PLCH1: variants seen among roughly 807,000 people sequenced by gnomAD.
The protein encoded by PLCH1 is phospholipase C eta 1.
Under a neutral mutation model 126.7 loss-of-function variants are expected in PLCH1, and 60 were observed. That is an observed-to-expected ratio of 0.47 (90% CI 0.38 to 0.59). PLCH1 has a LOEUF of 0.59. PLCH1 is among the 20% of genes least tolerant of loss of function. PLCH1 has a pLI of 0.00. For synonymous variants in PLCH1, 719 were observed against 734.9 expected (o/e 0.98, Z 0.35); for missense variants, 1,723 against 2,040.0 (o/e 0.84, Z 2.99).
At chr3:155,614,253 C>A (rs545681846) in intron 2 of PLCH1, among the ~76,000 whole-genome samples, 4 of 151,894 alleles carry the variant, frequency 2.6e-5, no homozygotes, top group Non-Finnish European at 5.9e-5. Flanking sequence ...ACGCAATGCC[C>A]ATCAAAATAC....
At chr3:155,616,779 G>A (rs994200750) in intron 2 of PLCH1, among the ~76,000 whole-genome samples, 2 of 151,920 alleles carry the variant, frequency 1.3e-5, no homozygotes, top group African/African-American at 2.4e-5. Flanking sequence ...AAGGATTTTT[G>A]CTTTTTTGAA....
intron 15 of PLCH1, among the ~76,000 whole-genome samples, chr3:155,495,820 C>T (rs1269341656): frequency 6.6e-6 from 1 of 152,102 alleles, no homozygotes; most frequent in Non-Finnish European, 1.5e-5. Flanking sequence ...TAGTTTAGAC[C>T]CTTTCCTTAA....
chr3:155,564,225 A>C (rs1288481370), intron 8 of PLCH1, among the ~76,000 whole-genome samples: 1 of 152,188 alleles, frequency 6.6e-6, no homozygotes, highest in Non-Finnish European at 1.5e-5. Flanking sequence ...ACCCACTAGA[A>C]GTTTAATAAA....
At chr3:155,731,241 C>T (rs368776599) in intron 1 of PLCH1, among the ~76,000 whole-genome samples, 2 of 152,210 alleles carry the variant, frequency 1.3e-5, no homozygotes, top group East Asian at 3.8e-4. Flanking sequence ...TCCCGTTGGA[C>T]CTAGGTACCA....
At chr3:155,509,328 G>A (rs1395360685) in intron 12 of PLCH1, among the ~76,000 whole-genome samples, 5 of 99,660 alleles carry the variant, frequency 5.0e-5, no homozygotes, top group Non-Finnish European at 5.5e-5. Context: ...TTGATTTTTT[G>A]AAGGGTTTTT....
chr3:155,483,113 T>A (rs940585505), intron 22 of PLCH1, 62 bp from the exon 23 acceptor site: 4 of 1,400,702 alleles, frequency 2.9e-6, no homozygotes, highest in African/African-American at 1.4e-5. Context: ...CTGCAAACAC[T>A]CATGTTGTCT....
intron 2 of PLCH1, among the ~76,000 whole-genome samples, chr3:155,650,472 T>C (rs982854257): frequency 1.3e-5 from 2 of 152,158 alleles, no homozygotes; most frequent in Non-Finnish European, 2.9e-5. Context: ...CAGAGGCCTC[T>C]CAAAGAAAAT....
intron 21 of PLCH1, among the ~76,000 whole-genome samples, chr3:155,460,037 C>T (rs1712650410): frequency 6.6e-6 from 1 of 152,096 alleles, no homozygotes; most frequent in South Asian, 2.1e-4. Flanking sequence ...TTAACTAGCT[C>T]TCTAGGTGGT....
chr3:155,590,382 T>C (rs1319635563), intron 4 of PLCH1, among the ~76,000 whole-genome samples: 1 of 152,048 alleles, frequency 6.6e-6, no homozygotes, highest in Non-Finnish European at 1.5e-5. Context: ...ATAGAGACCA[T>C]CCTAGCTAAC....
At chr3:155,564,416 T>A (rs569945184) in intron 8 of PLCH1, among the ~76,000 whole-genome samples, 4 of 151,884 alleles carry the variant, frequency 2.6e-5, no homozygotes, top group Admixed American at 2.0e-4. Context: ...ACAAAAAAAA[T>A]TAGTTGGGTG....
downstream of PLCH1, among the ~76,000 whole-genome samples, chr3:155,475,139 A>G (rs1019114653): frequency 2.6e-5 from 4 of 152,086 alleles, no homozygotes; most frequent in Admixed American, 1.3e-4. Context: ...CAATGCAATA[A>G]AACTAAAAAT....
chr3:155,554,928 A>G (rs1210331097), intron 8 of PLCH1, among the ~76,000 whole-genome samples: 2 of 152,210 alleles, frequency 1.3e-5, no homozygotes, highest in African/African-American at 2.4e-5. Flanking sequence ...ATTGCTCTCT[A>G]CCCACACAAT....
intron 2 of PLCH1, among the ~76,000 whole-genome samples, chr3:155,655,480 GC>G (rs1187903631): frequency 6.6e-6 from 1 of 151,544 alleles, no homozygotes; most frequent in Non-Finnish European, 1.5e-5. Flanking sequence ...CCCTTTAGTC[GC>G]TATTTGTGTT....
At chr3:155,512,467 G>T (rs1719715880) in intron 12 of PLCH1, among the ~76,000 whole-genome samples, 2 of 152,176 alleles carry the variant, frequency 1.3e-5, no homozygotes, top group African/African-American at 4.8e-5. Context: ...CTGTGGGATG[G>T]CACAGGGAGA....
At chr3:155,574,516 C>T (rs965149580) in intron 6 of PLCH1, among the ~76,000 whole-genome samples, 3 of 152,090 alleles carry the variant, frequency 2.0e-5, no homozygotes, top group South Asian at 4.1e-4. Context: ...TTTTGTTGCT[C>T]CTCTCCTGTT....
chr3:155,582,731 C>T (rs952531545), intron 6 of PLCH1, among the ~76,000 whole-genome samples: 2 of 152,066 alleles, frequency 1.3e-5, no homozygotes, highest in Non-Finnish European at 2.9e-5. Context: ...ACCAAAGCCT[C>T]CTCTCAAGAA....
At chr3:155,619,213 T>G (rs964431217) in intron 2 of PLCH1, among the ~76,000 whole-genome samples, 3 of 152,136 alleles carry the variant, frequency 2.0e-5, no homozygotes. Flanking sequence ...GTTAAGGTTG[T>G]TATTGTCTAA....
Position 155,534,494 on chromosome 3 carries a change from G to A in PLCH1, c.1363-10490C>T, listed in dbSNP as rs181396461. 1.6e-3 allele frequency among the ~76,000 whole-genome samples: 246 copies of A among 152,300 alleles called. 1 individual carries two copies. The highest frequency in any genetic ancestry group is 5.7e-3 in the African/African-American group (238 of 41,548). On this transcript the variant is annotated intron_variant, in intron 10 of 22. Coordinates refer to ENST00000460012, the MANE Select transcript of PLCH1 (RefSeq NM_014996.4). ...TGATTTTACAGGCTCCTAGGCAGAA[G>A]GGACTTCCCTCGTCTCAGATGAGAC...
At chr3:155,655,974 TAAG>T (rs1741307203) in intron 2 of PLCH1, among the ~76,000 whole-genome samples, 3 of 152,042 alleles carry the variant, frequency 2.0e-5, no homozygotes, top group Admixed American at 2.0e-4. Flanking sequence ...CACAAATAAA[TAAG>T]AAACTTCAAA....
Sources: gnomAD v4.1 joint callset for allele counts (sites outside exome capture counted in the v4.1 genomes callset) on GRCh38, gnomAD v4.1.1 for gene constraint, MANE v1.5 for transcripts, NCBI Gene and HGNC (gene_info 2026-07-23, HGNC 2026-07-21) for gene names.